The following PYY variants were observed in gnomAD, a reference collection of about 807,000 sequenced individuals.
PYY encodes the protein peptide tyrosine tyrosine.
A neutral mutation model predicts 10.3 loss-of-function variants in PYY; 12 were observed. The observed-to-expected ratio is 1.17, with a 90% CI of 0.75 to 1.89. The LOEUF (loss-of-function observed/expected upper bound fraction) is 1.89, where lower values mean the gene tolerates loss of function less well. Among genes scored for constraint, PYY ranks in the 40% most tolerant of loss-of-function variants. PYY has a pLI of 0.00. For synonymous variants in PYY, 66 were observed against 62.0 expected (o/e 1.06, Z -0.30); for missense variants, 141 against 134.0 (o/e 1.05, Z -0.26).
At chr17:43,974,695 G>A (rs1441811273) in intron 1 of PYY, among the ~76,000 whole-genome samples, 2 of 152,110 alleles carry the variant, frequency 1.3e-5, no homozygotes, top group Non-Finnish European at 2.9e-5. Context: ...CGCCCTCAGT[G>A]TGAACAGTGG....
At chr17:43,962,810 T>C (rs2048721727) in intron 2 of PYY, among the ~76,000 whole-genome samples, 1 of 152,126 alleles carries the variant, frequency 6.6e-6, no homozygotes, top group African/African-American at 2.4e-5. Flanking sequence ...GCCATCACAG[T>C]AGCAGGCGAG....
intron 1 of PYY, among the ~76,000 whole-genome samples, chr17:43,983,996 G>GC (rs1044091570): frequency 3.4e-4 from 52 of 152,204 alleles, no homozygotes; most frequent in African/African-American, 1.2e-3. Flanking sequence ...CAAACACCGC[G>GC]CCCGGATCCG....
chr17:43,953,197 C>T lies in PYY; in HGVS notation c.189-8G>A. The T allele has an allele frequency of 1.3e-6, 2 of 1,598,244 alleles. No homozygotes were observed. The highest frequency in any genetic ancestry group is 2.2e-5 in the South Asian group (2 of 90,566). On this transcript the variant is annotated splice_polypyrimidine_tract_variant and splice_region_variant and intron_variant, in intron 2 of 3. Coordinates refer to ENST00000692052, the MANE Select transcript of PYY (RefSeq NM_001394028.1). ...CCGTCTCTTTTCCCATACCTGGGGG[C>T]GGGGAAGGGAAGAGCGTGGTCAGAT...
At chr17:43,986,650 A>T (rs932487588) in intron 1 of PYY, among the ~76,000 whole-genome samples, 2 of 152,182 alleles carry the variant, frequency 1.3e-5, no homozygotes, top group African/African-American at 4.8e-5. Flanking sequence ...AAGGTCATGT[A>T]AGGACCACAG....
At chr17:43,986,701 C>T (rs2048917943) in intron 1 of PYY, among the ~76,000 whole-genome samples, 1 of 152,326 alleles carries the variant, frequency 6.6e-6, no homozygotes, top group South Asian at 2.1e-4. Context: ...TCATTATACC[C>T]TTCCCAGGGC....
rs774034842 is a variant in PYY, at chr17:43,953,382, C to T, written c.102G>A (p.Glu34=). The change falls in exon 2 of 4, where the codon GAG becomes GAA. Residue 34 remains glutamate (E), a synonymous_variant. Coordinates refer to ENST00000692052, the MANE Select transcript of PYY (RefSeq NM_001394028.1). ...ALVDAYPIKP[E]APREDASPEE... ...CCGGCGAGGCGTCTTCGCGGGGAGC[C>T]TCGGGTTTGATGGGGTAGGCGTCGA... The T allele has an allele frequency of 1.4e-4, 225 of 1,612,596 alleles. No homozygotes were observed. The highest frequency in any genetic ancestry group is 1.8e-4 in the Non-Finnish European group (211 of 1,179,524).
chr17:43,966,692 T>C (rs555474353), intron 1 of PYY, among the ~76,000 whole-genome samples: 1 of 152,360 alleles, frequency 6.6e-6, no homozygotes, highest in African/African-American at 2.4e-5. Context: ...TAGCACTTTC[T>C]AGCATTCTAT....
At chr17:43,999,764 G>A (rs1313856263) in intron 1 of PYY, among the ~76,000 whole-genome samples, 14 of 127,510 alleles carry the variant, frequency 1.1e-4, no homozygotes, top group Middle Eastern at 3.5e-3. Context: ...GTGAAACTCC[G>A]TCTCAAAAAA....
upstream of PYY, among the ~76,000 whole-genome samples, chr17:43,958,493 C>T (rs2048690749): frequency 1.3e-5 from 2 of 152,030 alleles, no homozygotes; most frequent in South Asian, 4.1e-4. Context: ...GATTCTCCTG[C>T]CTCAACCTCC....
At position 43,976,281 on chromosome 17, in the gene PYY, ACG is replaced by A. The variant is rs367677786; in HGVS notation, c.-462-9751_-462-9750del. The stretch of plus-strand genomic sequence containing the variant: ...TACATGTATACATGTACGTATATAT[ACG>A]CATATGTATACATGTATACATATAC... On this transcript the variant is annotated intron_variant, in intron 1 of 6. Transcript: ENST00000360085. 1.7e-3 allele frequency among the ~76,000 whole-genome samples: 174 copies of A among 104,904 alleles called. 1 individual carries two copies. Among genetic ancestry groups the A allele is most frequent in the Non-Finnish European group, 2.9e-3 (122 of 42,188 alleles). 68.8% of individuals were successfully genotyped at this position (104,904 alleles called of 152,430 possible).
chr17:43,972,868 C>T (rs1462082024), intron 1 of PYY, among the ~76,000 whole-genome samples: 2 of 152,116 alleles, frequency 1.3e-5, no homozygotes, highest in East Asian at 3.9e-4. Context: ...AGGCGTGCCA[C>T]CAAGCCCACC....
chr17:43,996,734 C>G (rs2048994608), intron 1 of PYY, among the ~76,000 whole-genome samples: 1 of 152,192 alleles, frequency 6.6e-6, no homozygotes, highest in South Asian at 2.1e-4. Context: ...GTTGCCCAAG[C>G]TGGAGTGCAG....
At chr17:43,978,267 G>C (rs1180602538) in intron 1 of PYY, among the ~76,000 whole-genome samples, 1 of 149,680 alleles carries the variant, frequency 6.7e-6, no homozygotes, top group Non-Finnish European at 1.5e-5. Context: ...GAGAAAGAAA[G>C]AGAGAGAGAG....
intron 2 of PYY, among the ~76,000 whole-genome samples, chr17:43,959,167 A>G (rs762498329): frequency 2.6e-5 from 4 of 152,196 alleles, no homozygotes; most frequent in African/African-American, 4.8e-5. Flanking sequence ...TCGTGCCTCA[A>G]TGTGAATTTT....
chr17:43,977,073 C>A (rs528853472), intron 1 of PYY, among the ~76,000 whole-genome samples: 1 of 152,312 alleles, frequency 6.6e-6, no homozygotes, highest in Non-Finnish European at 1.5e-5. Flanking sequence ...CATGTCCCCC[C>A]ACCCTGCCTT....
chr17:43,993,352 G>A (rs1054151081), intron 1 of PYY, among the ~76,000 whole-genome samples: 17 of 152,070 alleles, frequency 1.1e-4, no homozygotes, highest in Admixed American at 9.2e-4. Context: ...CCAGGTACTC[G>A]GGAGGCTGAG....
intron 1 of PYY, among the ~76,000 whole-genome samples, chr17:44,000,567 C>CA (rs2049019019): frequency 1.6e-5 from 2 of 128,016 alleles, no homozygotes; most frequent in Admixed American, 1.7e-4. Flanking sequence ...TAAGTGTGCA[C>CA]TTTTTTTTTT....
At chr17:43,979,283 C>A (rs446114) in intron 1 of PYY, among the ~76,000 whole-genome samples, 1 of 152,208 alleles carries the variant, frequency 6.6e-6, no homozygotes, top group Admixed American at 6.5e-5. Context: ...CAGTTGGAGT[C>A]TTATTAAGCC....
intron 1 of PYY, among the ~76,000 whole-genome samples, chr17:43,985,406 A>T (rs1368597235): frequency 1.3e-5 from 2 of 152,148 alleles, no homozygotes; most frequent in African/African-American, 4.8e-5. Flanking sequence ...ACGGGGTCTC[A>T]CTATACTCAT....
Sources: gnomAD v4.1 joint callset for allele counts (sites outside exome capture counted in the v4.1 genomes callset) on GRCh38, gnomAD v4.1.1 for gene constraint, MANE v1.5 for transcripts, NCBI Gene and HGNC (gene_info 2026-07-23, HGNC 2026-07-21) for gene names.